KCNIP1: variants seen among roughly 807,000 people sequenced by gnomAD.
The protein encoded by KCNIP1 is potassium voltage-gated channel interacting protein 1.
KCNIP1 carries 18 observed loss-of-function variants against 33.0 expected under a neutral mutation model. That is an observed-to-expected ratio of 0.55 (90% confidence interval 0.38 to 0.81). The LOEUF is 0.81. Ranked by LOEUF, KCNIP1 falls within the 30% of genes least tolerant of loss-of-function variation. The pLI, the probability that KCNIP1 is intolerant of heterozygous loss-of-function variation, is 0.00. For missense variants in KCNIP1, 238 were observed against 271.6 expected, an observed-to-expected ratio of 0.88 and a Z score of 0.87; for synonymous variants, 93 against 98.3, an observed-to-expected ratio of 0.95 and a Z score of 0.32.
In KCNIP1 at chr5:170,358,838, G is replaced by A. The variant is rs138497209; in HGVS notation, c.88+4874G>A. Reference sequence around the variant, plus strand: ...CGTGGCTCCCCTGGTGAGTGGCAGAGCTGGGATTAGAACCCAGGTCTTGCT... The same window carrying A: ...CGTGGCTCCCCTGGTGAGTGGCAGAACTGGGATTAGAACCCAGGTCTTGCT... On this transcript the variant is annotated intron_variant, in intron 1 of 7. Coordinates refer to the KCNIP1 transcript ENST00000377360. 6.0e-3 allele frequency among the ~76,000 whole-genome samples: 915 copies of A among 152,264 alleles called. 9 individuals carry two copies. Among genetic ancestry groups the A allele is most frequent in the African/African-American group, 0.021 (864 of 41,544 alleles).
At chr5:170,536,463 G>A (rs1034078272) in intron 1 of KCNIP1, among the ~76,000 whole-genome samples, 2 of 152,192 alleles carry the variant, frequency 1.3e-5, no homozygotes, top group Non-Finnish European at 2.9e-5. Flanking sequence ...TGCCCAGGCT[G>A]TGGCCAGAAC....
intron 1 of KCNIP1, among the ~76,000 whole-genome samples, chr5:170,509,342 CT>C (rs1370218874): frequency 1.3e-5 from 2 of 151,530 alleles, no homozygotes; most frequent in Non-Finnish European, 2.9e-5. Context: ...CTCAATGGAG[CT>C]CAAGATAAAC....
intron 1 of KCNIP1, chr5:170,378,682 G>A (rs763450990): frequency 1.9e-6 from 3 of 1,584,912 alleles, no homozygotes; most frequent in African/African-American, 1.4e-5. Context: ...CCTGACAAGT[G>A]GTATGGCATG....
chr5:170,431,781 T>G (rs1755747112), intron 1 of KCNIP1, among the ~76,000 whole-genome samples: 1 of 152,214 alleles, frequency 6.6e-6, no homozygotes, highest in Non-Finnish European at 1.5e-5. Context: ...CTCTGCCACC[T>G]ACCCAGCAGG....
At chr5:170,584,557 C>T (rs984691085) in intron 1 of KCNIP1, among the ~76,000 whole-genome samples, 7 of 152,078 alleles carry the variant, frequency 4.6e-5, no homozygotes, top group African/African-American at 7.2e-5. Flanking sequence ...GGCAGGGACA[C>T]GTAGAGTCAA....
chr5:170,442,557 C>T (rs778981626), intron 1 of KCNIP1, among the ~76,000 whole-genome samples: 5 of 152,106 alleles, frequency 3.3e-5, no homozygotes, highest in Non-Finnish European at 7.4e-5. Flanking sequence ...CTTCTAGCTC[C>T]GCCCTGCCCT....
chr5:170,711,769 A>T (rs187136852), intron 1 of KCNIP1, among the ~76,000 whole-genome samples: 52 of 152,356 alleles, frequency 3.4e-4, no homozygotes, highest in African/African-American at 1.0e-3. Context: ...CCTCACCAGA[A>T]GGATCAAAGG....
intron 1 of KCNIP1, among the ~76,000 whole-genome samples, chr5:170,362,812 T>C (rs979973331): frequency 2.6e-5 from 4 of 152,194 alleles, no homozygotes; most frequent in African/African-American, 9.7e-5. Flanking sequence ...TTGGATGACA[T>C]TTTTCAAACC....
chr5:170,489,070 G>A lies in KCNIP1; in HGVS notation c.88+135106G>A, dbSNP rs926874270. Among the ~76,000 whole-genome samples, 3 of 151,338 alleles carry A rather than the reference G, an allele frequency of 2.0e-5. No homozygotes were observed. Among genetic ancestry groups the A allele is most frequent in the Admixed American group, 2.0e-4 (3 of 15,234 alleles). On this transcript the variant is annotated intron_variant, in intron 1 of 7. Transcript: ENST00000377360. This position sits in a 1 kb window ranked among gnomAD's most constrained non-coding sequence, Gnocchi z 4.3. ...AGGAAGATTTCATTAGTGTTAGAGAGGAAGGATGTGCCTTCTCCCCCGGAG... is the reference window on the plus strand; with the variant it reads ...AGGAAGATTTCATTAGTGTTAGAGAAGAAGGATGTGCCTTCTCCCCCGGAG...
chr5:170,598,503 C>T (rs1017614507), intron 1 of KCNIP1, among the ~76,000 whole-genome samples: 8 of 152,150 alleles, frequency 5.3e-5, no homozygotes, highest in African/African-American at 1.4e-4. Context: ...GTGCCCCGGA[C>T]AAGGTACCTA....
intron 1 of KCNIP1, among the ~76,000 whole-genome samples, chr5:170,618,181 C>T (rs972969320): frequency 6.6e-6 from 1 of 152,026 alleles, no homozygotes; most frequent in African/African-American, 2.4e-5. Context: ...TAATCACAGA[C>T]AAAATGGGAT....
intron 5 of KCNIP1, among the ~76,000 whole-genome samples, chr5:170,723,378 G>T (rs1313724920): frequency 6.6e-6 from 1 of 152,096 alleles, no homozygotes; most frequent in African/African-American, 2.4e-5. Context: ...CAGAGGACAT[G>T]TCTCTAGCCA....
intron 1 of KCNIP1, chr5:170,376,935 C>T (rs761687110): frequency 8.5e-5 from 13 of 152,160 alleles, no homozygotes; most frequent in Non-Finnish European, 1.9e-4. Flanking sequence ...ATTTTAAACA[C>T]CTATGATGTG....
intron 1 of KCNIP1, among the ~76,000 whole-genome samples, chr5:170,592,816 G>A (rs1290621755): frequency 5.3e-5 from 8 of 152,202 alleles, no homozygotes; most frequent in Non-Finnish European, 1.0e-4. Flanking sequence ...AAAGTGCTAA[G>A]CATGTGGCTA....
chr5:170,723,801 A>C (rs1392274697), intron 5 of KCNIP1, among the ~76,000 whole-genome samples: 1 of 152,196 alleles, frequency 6.6e-6, no homozygotes, highest in Non-Finnish European at 1.5e-5. Context: ...AGGCCTCTCC[A>C]AGGAGGTGTC....
intron 1 of KCNIP1, among the ~76,000 whole-genome samples, chr5:170,530,145 C>T (rs958717771): frequency 3.3e-5 from 5 of 152,218 alleles, no homozygotes; most frequent in African/African-American, 9.7e-5. Context: ...GCACCTAGTA[C>T]ACTGCCTGGC....
chr5:170,585,805 G>A (rs1172941957), intron 1 of KCNIP1, among the ~76,000 whole-genome samples: 2 of 152,210 alleles, frequency 1.3e-5, no homozygotes, highest in Non-Finnish European at 2.9e-5. Context: ...CCCAGTCGCA[G>A]GGCCACCTTC....
chr5:170,607,796 C>T (rs1190588069), intron 1 of KCNIP1, among the ~76,000 whole-genome samples: 2 of 152,066 alleles, frequency 1.3e-5, no homozygotes, highest in South Asian at 2.1e-4. Context: ...TCTCAGCCGG[C>T]GGGGAGGGAT....
chr5:170,405,985 G>A (rs977595084), intron 1 of KCNIP1, among the ~76,000 whole-genome samples: 15 of 152,252 alleles, frequency 9.9e-5, no homozygotes, highest in Admixed American at 2.6e-4. Context: ...TCCCCTGCCC[G>A]TTTCTCCGGG....
Sources: allele counts gnomAD v4.1 joint callset (sites outside exome capture counted in the v4.1 genomes callset), GRCh38; gene constraint gnomAD v4.1.1; non-coding constraint Gnocchi (gnomAD v3.1); transcripts MANE v1.5; gene names NCBI Gene and HGNC (gene_info 2026-07-23, HGNC 2026-07-21).